ANKIB1: variants seen among roughly 807,000 people sequenced by gnomAD.
The protein encoded by ANKIB1 is ankyrin repeat and IBR domain containing 1, also known as ankyrin repeat and IBR domain-containing protein 1.
In ANKIB1, 43 loss-of-function variants were observed where a neutral mutation model predicts 122.1. The observed-to-expected ratio is 0.35, with a 90% CI of 0.28 to 0.45. The LOEUF (loss-of-function observed/expected upper bound fraction) is 0.45, where lower values mean the gene tolerates loss of function less well. ANKIB1 is among the 20% of genes least tolerant of loss of function. The probability of loss-of-function intolerance (pLI) is 1.00; values close to 1 mark genes in which losing one functional copy is unlikely to be tolerated. For synonymous variants in ANKIB1, 390 were observed against 442.0 expected (o/e 0.88, Z 1.48); for missense variants, 992 against 1,329.5 (o/e 0.75, Z 3.95).
chr7:92,388,769 T>C (rs1035751766), intron 14 of ANKIB1, among the ~76,000 whole-genome samples: 1 of 152,214 alleles, frequency 6.6e-6, no homozygotes, highest in African/African-American at 2.4e-5. Context: ...ATCAAAATAA[T>C]GAATATTAAA....
chr7:92,256,700 C>T (rs553138396), intron 1 of ANKIB1, among the ~76,000 whole-genome samples: 18 of 152,262 alleles, frequency 1.2e-4, no homozygotes, highest in East Asian at 1.9e-4. Context: ...TACACTGCTT[C>T]CCATGGCACT....
intron 5 of ANKIB1, among the ~76,000 whole-genome samples, chr7:92,339,264 G>T (rs1220712451): frequency 6.6e-6 from 1 of 151,584 alleles, no homozygotes; most frequent in Admixed American, 6.6e-5. Context: ...GGATGGTCTT[G>T]ATCTCCTGAC....
At position 92,344,631 on chromosome 7, in the gene ANKIB1, A is replaced by AT. The variant is rs1803503151; in HGVS notation, c.997-346dup. Among the ~76,000 whole-genome samples, 3 of 152,300 alleles carry AT rather than the reference A, an allele frequency of 2.0e-5. No individual in the cohort carries two copies. The South Asian group carries it at 6.2e-4, about 32-fold the overall frequency. ...GGGTAGGTGTAATGTGAAGGGCATG[A>AT]TACTGAAGTGGTTTTTTGCAACATG... On this transcript the variant is annotated intron_variant, in intron 6 of 19. Transcript: ENST00000265742.
intron 1 of ANKIB1, among the ~76,000 whole-genome samples, chr7:92,270,692 C>T (rs886968471): frequency 6.6e-6 from 1 of 150,704 alleles, no homozygotes; most frequent in African/African-American, 2.4e-5. Flanking sequence ...CACTCGCTAG[C>T]CTTTAGCAAC....
intron 1 of ANKIB1, among the ~76,000 whole-genome samples, chr7:92,258,998 G>A (rs1801506357): frequency 6.6e-6 from 1 of 151,986 alleles, no homozygotes; most frequent in African/African-American, 2.4e-5. Flanking sequence ...TTATTACCCA[G>A]GTTGGAGTAC....
At chr7:92,361,569 C>T (rs1206631048) in intron 9 of ANKIB1, among the ~76,000 whole-genome samples, 6 of 151,960 alleles carry the variant, frequency 3.9e-5, no homozygotes, top group Non-Finnish European at 7.4e-5. Flanking sequence ...GAGGATAAAA[C>T]GTAATTGATT....
intron 1 of ANKIB1, among the ~76,000 whole-genome samples, chr7:92,285,851 G>T (rs1454022526): frequency 2.0e-5 from 3 of 152,298 alleles, no homozygotes; most frequent in South Asian, 4.2e-4. Flanking sequence ...GCCCTACCTA[G>T]CTATACAGTT....
At chr7:92,391,632 A>T (rs1025808070) in intron 16 of ANKIB1, among the ~76,000 whole-genome samples, 4 of 152,124 alleles carry the variant, frequency 2.6e-5, no homozygotes, top group African/African-American at 9.7e-5. Flanking sequence ...ATTCTAATGT[A>T]TCATTTCAAA....
intron 9 of ANKIB1, among the ~76,000 whole-genome samples, chr7:92,359,882 C>T (rs939189827): frequency 1.3e-5 from 2 of 152,106 alleles, no homozygotes; most frequent in African/African-American, 4.8e-5. Flanking sequence ...CTCAGCCTCC[C>T]GAGTAGCCAT....
chr7:92,336,979 T>C (rs981881890), intron 5 of ANKIB1, among the ~76,000 whole-genome samples: 1 of 152,198 alleles, frequency 6.6e-6, no homozygotes, highest in African/African-American at 2.4e-5. Flanking sequence ...GTTTCCCTTA[T>C]GGTTTTCTTA....
chr7:92,283,839 C>T (rs1024740414), intron 1 of ANKIB1, among the ~76,000 whole-genome samples: 2 of 152,138 alleles, frequency 1.3e-5, no homozygotes, highest in African/African-American at 4.8e-5. Context: ...GGCACAATCT[C>T]GGCTCACTGC....
intron 4 of ANKIB1, among the ~76,000 whole-genome samples, chr7:92,323,406 T>G (rs1802955093): frequency 6.6e-6 from 1 of 152,318 alleles, no homozygotes; most frequent in Admixed American, 6.5e-5. Context: ...TAATGCTTTC[T>G]AAGAGAACTT....
chr7:92,308,003 T>A (rs1802603339), intron 3 of ANKIB1, among the ~76,000 whole-genome samples: 1 of 151,584 alleles, frequency 6.6e-6, no homozygotes, highest in South Asian at 2.1e-4. Flanking sequence ...TTTGTATAAT[T>A]TAATTTCCAA....
In ANKIB1 at chr7:92,397,726, T is replaced by C. The variant is rs1357006575; in HGVS notation, c.2399T>C (p.Ile800Thr). 6.2e-7 allele frequency: 1 copy of C among 1,611,030 alleles called. No homozygotes were observed. Among genetic ancestry groups the C allele is most frequent in the Non-Finnish European group, 8.5e-7 (1 of 1,178,930 alleles). Reference protein sequence around the residue: ...PDEPSESTLDIPEGGSSSRRP... With the variant: ...PDEPSESTLDTPEGGSSSRRP... ...GGTACCAATTGCTTTGAAACAGATA[T>C]TCCAGAAGGCGGCAGCAGCAGCCGC... Residue 800 changes from isoleucine to threonine, a missense_variant, in exon 19 of 20, where the codon ATT becomes ACT. Ile to Thr is a moderately conservative substitution (Grantham distance 89, BLOSUM62 -1). This residue lies in a region of ANKIB1 where 384 missense variants were observed against 412.0 expected (regional missense o/e 0.93). Coordinates refer to ENST00000265742, the MANE Select transcript of ANKIB1 (RefSeq NM_019004.2).
At chr7:92,365,922 G>C (rs939404924) in intron 10 of ANKIB1, among the ~76,000 whole-genome samples, 1 of 134,722 alleles carries the variant, frequency 7.4e-6, no homozygotes, top group African/African-American at 2.8e-5. Flanking sequence ...CCAGCCTCCC[G>C]AGTAGCTGGG....
At chr7:92,255,109 A>G (rs551741037) in intron 1 of ANKIB1, among the ~76,000 whole-genome samples, 9 of 152,332 alleles carry the variant, frequency 5.9e-5, no homozygotes, top group Admixed American at 5.9e-4. Context: ...ATGTGGAACC[A>G]TAGGTCTATT....
At chr7:92,275,875 A>T (rs987085660) in intron 1 of ANKIB1, among the ~76,000 whole-genome samples, 1 of 152,178 alleles carries the variant, frequency 6.6e-6, no homozygotes, top group Non-Finnish European at 1.5e-5. Flanking sequence ...ATCACTGTAC[A>T]TGTCTCTTTG....
Position 92,362,493 on chromosome 7 carries a change from T to C in ANKIB1, c.1486+220T>C, listed in dbSNP as rs1169775792. On this transcript the variant is annotated intron_variant, in intron 10 of 19. Coordinates refer to ENST00000265742, the MANE Select transcript of ANKIB1 (RefSeq NM_019004.2). ...ACAAGTTCCATGTTTCTAACAGACT[T>C]ACTTTCCAGCTGAAGTTAAACAGGG... is the stretch of plus-strand genomic sequence containing the variant. 2.0e-5 allele frequency among the ~76,000 whole-genome samples: 3 copies of C among 152,304 alleles called. No individual in the cohort carries two copies. In the East Asian group the frequency reaches 5.8e-4, roughly 29 times the overall value.
chr7:92,317,796 GGAGA>G (rs1233336052), intron 3 of ANKIB1, among the ~76,000 whole-genome samples: 1 of 152,070 alleles, frequency 6.6e-6, no homozygotes, highest in Non-Finnish European at 1.5e-5. Context: ...TGTTTGTTGA[GGAGA>G]GAAAGAAGAT....
Sources: allele counts gnomAD v4.1 joint callset (sites outside exome capture counted in the v4.1 genomes callset), GRCh38; gene constraint gnomAD v4.1.1; regional missense constraint gnomAD v4.1.1; transcripts MANE v1.5; gene names NCBI Gene and HGNC (gene_info 2026-07-23, HGNC 2026-07-21).